Variants in FCSK observed in about 807,000 individuals in gnomAD.
FCSK encodes fucose kinase.
FCSK carries 123 observed loss-of-function variants against 122.5 expected under a neutral mutation model. The observed-to-expected ratio is 1.00, with a 90% CI of 0.87 to 1.17. The LOEUF is 1.17. Ranked by LOEUF, FCSK falls within the 50% of genes most tolerant of loss-of-function variation. FCSK has a pLI of 0.00. For synonymous variants in FCSK, 620 were observed against 625.5 expected (o/e 0.99, Z 0.13); for missense variants, 1,366 against 1,450.4 (o/e 0.94, Z 0.95).
Position 70,478,347 on chromosome 16 carries a change from T to TG in FCSK, c.2718dup (p.Lys907GlufsTer11). ...GGGCGCTCCCGGGCTCAGCTGCCAC[T>TG]GAAGGTGGAGGTAGAAGAGGTCACG... is the stretch of plus-strand genomic sequence containing the variant. On this transcript the variant is annotated frameshift_variant, in exon 21 of 24. Transcript: ENST00000288078. LOFTEE classifies it high-confidence loss of function. 1 of 1,614,184 alleles carries TG rather than the reference T, an allele frequency of 6.2e-7. No homozygotes were observed. Among genetic ancestry groups the TG allele is most frequent in the Non-Finnish European group, 8.5e-7 (1 of 1,180,024 alleles).
In FCSK at chr16:70,479,385, G is replaced by A. The variant is rs754161217; in HGVS notation, c.3135G>A (p.Ala1045=). 1.1e-5 allele frequency: 17 copies of A among 1,613,176 alleles called. No homozygotes were observed. The highest frequency in any genetic ancestry group is 4.5e-5 in the East Asian group (2 of 44,890). The change falls in exon 23 of 24, where the codon GCG becomes GCA. Residue 1045 remains alanine, a synonymous_variant. Transcript: ENST00000288078. Reference sequence around the variant, plus strand: ...CACAGCAAAAGGAGGCCTTGGAGGCGGTGCTGGCCAAGACCGAGGTACTGA... The same window carrying A: ...CACAGCAAAAGGAGGCCTTGGAGGCAGTGCTGGCCAAGACCGAGGTACTGA... The part of the protein sequence containing the change: ...KEPQQKEALE[A]VLAKTEGLGN...
In FCSK at chr16:70,469,191, A is replaced by G; in HGVS notation, c.823A>G (p.Asn275Asp). ...FFDILHCMAE[N>D]VTREDFLVGR... ...TGACATTCTCCACTGCATGGCTGAG[A>G]ACGTGACCAGGGAGGACTTCCTGGT... Residue 275 changes from asparagine (N) to aspartate (D), a missense_variant, in exon 10 of 24, where the codon AAC becomes GAC. By Grantham distance (23) the Asn-to-Asp change is conservative. Coordinates refer to ENST00000288078, the MANE Select transcript of FCSK (RefSeq NM_145059.3). 2 of 1,614,086 alleles carry G rather than the reference A, an allele frequency of 1.2e-6. No individual in the cohort carries two copies. The highest frequency in any genetic ancestry group is 1.7e-6 in the Non-Finnish European group (2 of 1,180,010).
Position 70,463,223 on chromosome 16 carries a change from C to A in FCSK, c.33C>A (p.Val11=). The change falls in exon 2 of 24, where the codon GTC becomes GTA. Residue 11 remains valine (V), a synonymous_variant. Transcript: ENST00000288078. ...AGCCGAAGGGAGTTGATTGGACAGTCATCATCCTGACCTGCCAGTACAAGG... is the reference window on the plus strand; with the variant it reads ...AGCCGAAGGGAGTTGATTGGACAGTAATCATCCTGACCTGCCAGTACAAGG... MEQPKGVDWT[V]IILTCQYKDS... is the part of the protein sequence containing the mutation. 1 of 1,614,078 alleles carries A rather than the reference C, an allele frequency of 6.2e-7. No homozygotes were observed. The highest frequency in any genetic ancestry group is 1.1e-5 in the South Asian group (1 of 91,064).
chr16:70,474,579 C>A lies in FCSK; in HGVS notation c.2040C>A (p.Ile680=). Reference sequence around the variant, plus strand: ...GCCACTATGAGGGGGCTGGTCAGATCCTGATCCGCCAGGCTGTGATGTCAG... The same window carrying A: ...GCCACTATGAGGGGGCTGGTCAGATACTGATCCGCCAGGCTGTGATGTCAG... ...AARHYEGAGQ[I]LIRQAVMSAQ... The change falls in exon 17 of 24, where the codon ATC becomes ATA. Residue 680 remains isoleucine (I), a synonymous_variant. Transcript: ENST00000288078. 2.6e-6 allele frequency: 4 copies of A among 1,561,768 alleles called. No homozygotes were observed. The highest frequency in any genetic ancestry group is 3.5e-6 in the Non-Finnish European group (4 of 1,152,916).
At position 70,467,486 on chromosome 16, in the gene FCSK, G is replaced by T; in HGVS notation, c.582+15G>T. On this transcript the variant is annotated intron_variant, in intron 7 of 23. Transcript: ENST00000288078. ...CTGACCCCCAGGTAGTGCCCCTGGG[G>T]ACAGTGGAGCCGGCTGGGGCAGCCT... 3 of 1,571,778 alleles carry T rather than the reference G, an allele frequency of 1.9e-6. No individual in the cohort carries two copies. Among genetic ancestry groups the T allele is most frequent in the Non-Finnish European group, 2.6e-6 (3 of 1,158,002 alleles).
intron 1 of FCSK, among the ~76,000 whole-genome samples, chr16:70,456,226 A>G (rs894941038): frequency 2.6e-5 from 4 of 152,350 alleles, no homozygotes; most frequent in Admixed American, 6.5e-5. Flanking sequence ...CTATTAAAGC[A>G]ATGGCAAAAG....
intron 20 of FCSK, chr16:70,476,138 GACT>G (rs1196694872): frequency 6.3e-6 from 1 of 158,792 alleles, no homozygotes; most frequent in African/African-American, 2.5e-5. Flanking sequence ...GAGTAGCTGG[GACT>G]ACAGGCGCCT....
At chr16:70,475,134 G>A (rs1418951650) in intron 18 of FCSK, 123 bp downstream of exon 18, 1 of 1,030,710 alleles carries the variant, frequency 9.7e-7, no homozygotes, top group African/African-American at 1.6e-5. Context: ...GGAGCCTGAA[G>A]GGAAGGAAGG....
chr16:70,475,813 A>G lies in FCSK; in HGVS notation c.2641+46A>G, dbSNP rs568683025. The G allele has an allele frequency of 1.9e-5, 28 of 1,506,088 alleles. No homozygotes were observed. In the South Asian group the frequency reaches 3.0e-4, roughly 16 times the overall value. 93.3% of individuals were successfully genotyped at this position (1,506,088 alleles called of 1,614,324 possible). On this transcript the variant is annotated intron_variant, in intron 20 of 23. Coordinates refer to ENST00000288078, the MANE Select transcript of FCSK (RefSeq NM_145059.3). ...TGGAGGAGGTCACTGACACTTTCCC[A>G]AGGGCCCGCGGGGGGAGTGGGGCTC...
chr16:70,471,293 C>T lies in FCSK; in HGVS notation c.1282C>T (p.Arg428Trp), dbSNP rs551642065. 236 of 1,604,684 alleles carry T rather than the reference C, an allele frequency of 1.5e-4. 4 individuals carry two copies. Among genetic ancestry groups the T allele is most frequent in the Non-Finnish European group, 1.8e-4 (212 of 1,176,328 alleles). ...CCTTGTCCTGCAGGGACACCACACG[C>T]GGCTACACGGCTCCCCGGGCCACGC... ...RDLVLQGHHT[R>W]LHGSPGHAFT... is the part of the protein sequence containing the mutation. The change falls in exon 13 of 24, where the codon CGG becomes TGG. Residue 428 changes from arginine to tryptophan, a missense_variant. Coordinates refer to ENST00000288078, the MANE Select transcript of FCSK (RefSeq NM_145059.3).
chr16:70,478,688 G>T, intron 22 of FCSK, 38 bp downstream of exon 22: 1 of 1,556,514 alleles, frequency 6.4e-7, no homozygotes, highest in Non-Finnish European at 8.8e-7. Flanking sequence ...GGCACTGGGA[G>T]CGAGTATTCT....
chr16:70,465,820 G>C (rs1453175113), intron 4 of FCSK, among the ~76,000 whole-genome samples: 1 of 152,118 alleles, frequency 6.6e-6, no homozygotes, highest in South Asian at 2.1e-4. Context: ...AGGCATGGTG[G>C]TGCATGCCTG....
chr16:70,461,466 A>G (rs1175842093), intron 1 of FCSK, among the ~76,000 whole-genome samples: 4 of 148,772 alleles, frequency 2.7e-5, no homozygotes, highest in Admixed American at 2.0e-4. Context: ...TGGGGGAGAC[A>G]GGGGTGGGGG....
Position 70,473,374 on chromosome 16 carries a change from T to G in FCSK, c.1777+21T>G. 1 of 1,471,354 alleles carries G rather than the reference T, an allele frequency of 6.8e-7. No homozygotes were observed. Among genetic ancestry groups the G allele is most frequent in the East Asian group, 2.5e-5 (1 of 39,642 alleles). The allele number at this position is 1,471,354 out of a possible 1,614,324, so 91.1% of individuals were successfully genotyped here. A position where few individuals can be genotyped will look rare whatever the true frequency, so the allele number is the denominator to read the frequency against. On this transcript the variant is annotated intron_variant, in intron 15 of 23. Transcript: ENST00000288078. The surrounding 1 kb of genome is among the most constrained non-coding windows in gnomAD (Gnocchi z 4.9). ...CCAGGGTGAGTGTGCAGGCTGGTAGTGCTGCAGAATCAGGCCAGGGGCACC... is the reference window on the plus strand; with the variant it reads ...CCAGGGTGAGTGTGCAGGCTGGTAGGGCTGCAGAATCAGGCCAGGGGCACC...
Position 70,475,113 on chromosome 16 carries a change from A to G in FCSK, c.2377+102A>G. On this transcript the variant is annotated intron_variant, in intron 18 of 23. Transcript: ENST00000288078. ...GTGGGGTCTGGCCTGAGGGCCAGCC[A>G]GTCTGGCTGAGGAGCCTGAAGGGAA... 16 of 1,152,986 alleles carry G rather than the reference A, an allele frequency of 1.4e-5. 1 individual carries two copies. In the South Asian group the frequency reaches 2.4e-4, roughly 17 times the overall value. 71.4% of individuals were successfully genotyped at this position (1,152,986 alleles called of 1,614,324 possible). A position where few individuals can be genotyped will look rare whatever the true frequency, so the allele number is the denominator to read the frequency against.
At chr16:70,463,046 G>A (rs2048316433) in intron 1 of FCSK, 123 bp from the exon 2 acceptor site, 1 of 582,158 alleles carries the variant, frequency 1.7e-6, no homozygotes. Flanking sequence ...TTTTTTGAGT[G>A]TAGATGGTGA....
intron 1 of FCSK, among the ~76,000 whole-genome samples, chr16:70,460,104 C>CTTTT (rs564125150): frequency 1.1e-4 from 14 of 126,476 alleles, no homozygotes; most frequent in African/African-American, 3.2e-4. Flanking sequence ...CGTCTAGCCT[C>CTTTT]TTTTTTTTTT....
intron 1 of FCSK, among the ~76,000 whole-genome samples, chr16:70,461,247 C>T (rs958457869): frequency 6.6e-5 from 10 of 152,180 alleles, no homozygotes; most frequent in African/African-American, 2.4e-4. Flanking sequence ...GGGCGCAGCT[C>T]AGCCAGTGGT....
rs1298547179 is a variant in FCSK, at chr16:70,468,793, G to GT, written c.664-55dup. 141 of 1,607,970 alleles carry GT rather than the reference G, an allele frequency of 8.8e-5. 2 individuals carry two copies. Among genetic ancestry groups the GT allele is most frequent in the South Asian group, 5.1e-4 (46 of 90,922 alleles). On this transcript the variant is annotated intron_variant, in intron 8 of 23. Transcript: ENST00000288078. Reference sequence around the variant, plus strand: ...CATCTGCATGTGCCCTCCCTGACTTGTACCAGGGCCTGGTCCAGGGCCCTC... The same window carrying GT: ...CATCTGCATGTGCCCTCCCTGACTTGTTACCAGGGCCTGGTCCAGGGCCCTC...
Sources: gnomAD v4.1 joint callset for allele counts (sites outside exome capture counted in the v4.1 genomes callset) on GRCh38, gnomAD v4.1.1 for gene constraint, Gnocchi (gnomAD v3.1) non-coding constraint, MANE v1.5 for transcripts, NCBI Gene and HGNC (gene_info 2026-07-23, HGNC 2026-07-21) for gene names.